Variants in CPE observed in about 807,000 individuals in gnomAD.
CPE encodes carboxypeptidase E, also known as carbocypeptidase E.
In CPE, 17 loss-of-function variants were observed where a neutral mutation model predicts 53.5. The observed-to-expected ratio is 0.32, with a 90% confidence interval of 0.22 to 0.48. CPE has a LOEUF of 0.48. Ranked by LOEUF, CPE falls within the 20% of genes least tolerant of loss-of-function variation. CPE has a pLI of 0.99. For missense variants in CPE, 524 were observed against 614.7 expected, an observed-to-expected ratio of 0.85 and a Z score of 1.56; for synonymous variants, 226 against 228.8, an observed-to-expected ratio of 0.99 and a Z score of 0.11.
chr4:165,441,498 C>A (rs1303354622), intron 1 of CPE, among the ~76,000 whole-genome samples: 1 of 152,144 alleles, frequency 6.6e-6, no homozygotes, highest in African/African-American at 2.4e-5. Context: ...CTCAAGCCAG[C>A]TTCATAGACT....
intron 3 of CPE, among the ~76,000 whole-genome samples, chr4:165,477,300 G>C (rs1239709041): frequency 3.3e-5 from 5 of 152,220 alleles, no homozygotes; most frequent in Middle Eastern, 3.4e-3. Flanking sequence ...AAGAGCTTTT[G>C]TTTAAAACAA....
chr4:165,392,233 A>G (rs13132284), intron 1 of CPE, among the ~76,000 whole-genome samples: 1 of 147,096 alleles, frequency 6.8e-6, no homozygotes, highest in African/African-American at 2.5e-5. Context: ...ATACTAATAT[A>G]TAGTGTATAT....
At chr4:165,390,008 A>T (rs1248006764) in intron 1 of CPE, among the ~76,000 whole-genome samples, 1 of 152,338 alleles carries the variant, frequency 6.6e-6, no homozygotes, top group African/African-American at 2.4e-5. Flanking sequence ...AACACTTCAG[A>T]ATGAATGACA....
In CPE at chr4:165,409,127, G is replaced by A. The variant is rs190158059; in HGVS notation, c.307+29599G>A. Among the ~76,000 whole-genome samples, 43 of 152,270 alleles carry A rather than the reference G, an allele frequency of 2.8e-4. No individual in the cohort carries two copies. In the East Asian group the frequency reaches 7.7e-3, roughly 27 times the overall value. Reference sequence around the variant, plus strand: ...GCGGAGTGGGTGGTGGTTCCGGAATGGTTGACGTGGGAAATGCAGAGAGAG... The same window carrying A: ...GCGGAGTGGGTGGTGGTTCCGGAATAGTTGACGTGGGAAATGCAGAGAGAG... On this transcript the variant is annotated intron_variant, in intron 1 of 8. Coordinates refer to ENST00000402744, the MANE Select transcript of CPE (RefSeq NM_001873.4).
rs757793901 is a variant in CPE, at chr4:165,484,655, G to C, written c.973+51G>C. 4.7e-6 allele frequency: 7 copies of C among 1,497,504 alleles called. No individual in the cohort carries two copies. In the African/African-American group the frequency reaches 9.7e-5, roughly 21 times the overall value. 92.8% of individuals were successfully genotyped at this position (1,497,504 alleles called of 1,614,324 possible). ...TATGTGATTGTAGCTTATTTACAAT[G>C]ACCATTTAGGTTTAGAGAGTGATTT... On this transcript the variant is annotated intron_variant, in intron 5 of 8. Transcript: ENST00000402744.
intron 3 of CPE, among the ~76,000 whole-genome samples, chr4:165,481,008 A>G (rs1454930224): frequency 1.8e-5 from 1 of 55,986 alleles, no homozygotes; most frequent in Non-Finnish European, 3.4e-5. Flanking sequence ...ATATATATAT[A>G]TATATATATT....
intron 1 of CPE, among the ~76,000 whole-genome samples, chr4:165,416,750 T>C (rs1446111586): frequency 6.6e-6 from 1 of 151,944 alleles, no homozygotes; most frequent in South Asian, 2.1e-4. Context: ...GCCCCACATA[T>C]GCCTCCTCAT....
At chr4:165,393,678 G>T (rs1013026589) in intron 1 of CPE, among the ~76,000 whole-genome samples, 1 of 152,118 alleles carries the variant, frequency 6.6e-6, no homozygotes, top group Non-Finnish European at 1.5e-5. Context: ...TTTCTTACTG[G>T]TCATGGAGGG....
At chr4:165,420,695 A>G (rs1483100485) in intron 1 of CPE, among the ~76,000 whole-genome samples, 1 of 152,126 alleles carries the variant, frequency 6.6e-6, no homozygotes, top group Admixed American at 6.5e-5. Context: ...ACTGTTACAT[A>G]GTATGTCTTT....
chr4:165,389,813 T>A (rs146961223), intron 1 of CPE, among the ~76,000 whole-genome samples: 1 of 152,346 alleles, frequency 6.6e-6, no homozygotes, highest in Non-Finnish European at 1.5e-5. Context: ...TTTTATATTG[T>A]CAGTGCTTTA....
At chr4:165,437,081 CT>C (rs1731516073) in intron 1 of CPE, among the ~76,000 whole-genome samples, 1 of 152,172 alleles carries the variant, frequency 6.6e-6, no homozygotes, top group Non-Finnish European at 1.5e-5. Flanking sequence ...CTGCTGTTCT[CT>C]ATGTTGTCTC....
chr4:165,479,173 T>A (rs1732357228), intron 3 of CPE, among the ~76,000 whole-genome samples: 1 of 152,188 alleles, frequency 6.6e-6, no homozygotes, highest in African/African-American at 2.4e-5. Flanking sequence ...TCATGTCATG[T>A]TAGCAATTGG....
chr4:165,424,506 G>A (rs531013376), intron 1 of CPE, among the ~76,000 whole-genome samples: 2 of 151,772 alleles, frequency 1.3e-5, no homozygotes, highest in African/African-American at 4.8e-5. Context: ...ATAAAGTCCA[G>A]TTTTTAAATT....
chr4:165,410,373 G>A (rs1452250890), intron 1 of CPE, among the ~76,000 whole-genome samples: 1 of 152,084 alleles, frequency 6.6e-6, no homozygotes, highest in Non-Finnish European at 1.5e-5. Context: ...GATGCAGCCT[G>A]ATTATTAATA....
At position 165,382,484 on chromosome 4, in the gene CPE, A is replaced by T. The variant is rs540638762; in HGVS notation, c.307+2956A>T. Among the ~76,000 whole-genome samples the T allele has an allele frequency of 2.8e-4, 42 of 152,282 alleles. No homozygotes were observed. In the South Asian group the frequency reaches 7.5e-3, roughly 27 times the overall value. ...TACTTGACTGAAATTTTGAGGTGAAATTGCTCACTTTTGTTTTATTTTCCA... is the reference window on the plus strand; with the variant it reads ...TACTTGACTGAAATTTTGAGGTGAATTTGCTCACTTTTGTTTTATTTTCCA... On this transcript the variant is annotated intron_variant, in intron 1 of 8. Coordinates refer to ENST00000402744, the MANE Select transcript of CPE (RefSeq NM_001873.4).
intron 7 of CPE, 88 bp from the exon 8 acceptor site, chr4:165,495,471 C>G: frequency 2.5e-6 from 2 of 805,038 alleles, no homozygotes. Context: ...CTGAGCTAGA[C>G]TGGGTATTCC....
intron 1 of CPE, among the ~76,000 whole-genome samples, chr4:165,440,220 C>T (rs1393005223): frequency 2.0e-5 from 3 of 152,108 alleles, no homozygotes; most frequent in African/African-American, 7.2e-5. Context: ...TGTTCTTCTG[C>T]CAGGGATATA....
chr4:165,454,793 C>T (rs2126694337), intron 1 of CPE, among the ~76,000 whole-genome samples: 2 of 152,306 alleles, frequency 1.3e-5, no homozygotes, highest in East Asian at 3.9e-4. Context: ...TCAAAATTGT[C>T]ACTGACATTT....
chr4:165,385,942 C>T (rs1730583828), intron 1 of CPE, among the ~76,000 whole-genome samples: 1 of 152,186 alleles, frequency 6.6e-6, no homozygotes, highest in Non-Finnish European at 1.5e-5. Flanking sequence ...CTCCCCGCTC[C>T]CTAACTTTCT....
Sources: gnomAD v4.1 joint callset for allele counts (sites outside exome capture counted in the v4.1 genomes callset) on GRCh38, gnomAD v4.1.1 for gene constraint, MANE v1.5 for transcripts, NCBI Gene and HGNC (gene_info 2026-07-23, HGNC 2026-07-21) for gene names.